Variants in ESR1 observed in about 807,000 individuals in gnomAD.
ESR1 encodes estrogen receptor.
In ESR1, 12 loss-of-function variants were observed where a neutral mutation model predicts 52.7. The observed-to-expected ratio is 0.23, with a 90% CI of 0.15 to 0.37. The LOEUF (loss-of-function observed/expected upper bound fraction) is 0.37. Ranked by LOEUF, ESR1 falls within the 10% of genes least tolerant of loss-of-function variation. The pLI, the probability that ESR1 is intolerant of heterozygous loss-of-function variation, is 1.00. For missense variants in ESR1, 584 were observed against 779.7 expected, an observed-to-expected ratio of 0.75 and a Z score of 2.99; for synonymous variants, 305 against 316.8, an observed-to-expected ratio of 0.96 and a Z score of 0.39.
At chr6:151,972,018 T>G (rs1446466629) in intron 4 of ESR1, among the ~76,000 whole-genome samples, 1 of 152,084 alleles carries the variant, frequency 6.6e-6, no homozygotes, top group Non-Finnish European at 1.5e-5. Flanking sequence ...GAAGCTACTA[T>G]GAACATCTTT....
intron 5 of ESR1, among the ~76,000 whole-genome samples, chr6:152,025,610 T>C (rs1263422018): frequency 6.6e-6 from 1 of 151,956 alleles, no homozygotes; most frequent in Non-Finnish European, 1.5e-5. Context: ...TTTTGTGTAT[T>C]TATGCTTCTT....
At chr6:151,730,844 C>G (rs1782185614) in intron 2 of ESR1, among the ~76,000 whole-genome samples, 1 of 152,078 alleles carries the variant, frequency 6.6e-6, no homozygotes, top group African/African-American at 2.4e-5. Context: ...GCTTTGAGAC[C>G]ACTTTTGCAT....
upstream of ESR1, among the ~76,000 whole-genome samples, chr6:151,802,066 T>C (rs1777304966): frequency 6.6e-6 from 1 of 152,248 alleles, no homozygotes; most frequent in African/African-American, 2.4e-5. Context: ...TATACTTTCA[T>C]TGGGATGATT....
downstream of ESR1, among the ~76,000 whole-genome samples, chr6:152,104,001 T>G (rs901805107): frequency 3.4e-5 from 5 of 145,726 alleles, no homozygotes; most frequent in African/African-American, 5.4e-5. Flanking sequence ...TTTTTTTTTT[T>G]GCATCACCTT....
At chr6:151,943,191 T>G (rs1427798988) in intron 3 of ESR1, among the ~76,000 whole-genome samples, 2 of 151,956 alleles carry the variant, frequency 1.3e-5, no homozygotes, top group African/African-American at 4.8e-5. Context: ...CCATCCTGGC[T>G]AACACGGCGA....
intron 6 of ESR1, among the ~76,000 whole-genome samples, chr6:152,090,891 A>G (rs2050129090): frequency 6.6e-6 from 1 of 152,198 alleles, no homozygotes; most frequent in Non-Finnish European, 1.5e-5. Flanking sequence ...TATTGGCTAC[A>G]AGATCCAGAT....
chr6:151,959,368 T>C (rs1190798082), intron 4 of ESR1, among the ~76,000 whole-genome samples: 1 of 152,252 alleles, frequency 6.6e-6, no homozygotes, highest in Non-Finnish European at 1.5e-5. Context: ...TTTCTATCCA[T>C]GAACAACGTC....
At chr6:151,837,536 C>G (rs1783559756) in intron 1 of ESR1, among the ~76,000 whole-genome samples, 1 of 152,120 alleles carries the variant, frequency 6.6e-6, no homozygotes, top group South Asian at 2.1e-4. Flanking sequence ...TATATGATCT[C>G]TCATGCTTCT....
chr6:151,858,620 A>AAAAT (rs1441537046), intron 2 of ESR1, among the ~76,000 whole-genome samples: 2 of 150,424 alleles, frequency 1.3e-5, no homozygotes, highest in Admixed American at 6.6e-5. Flanking sequence ...TCTGTGAATT[A>AAAAT]AAATAGTACT....
chr6:151,691,872 A>C (rs1364157956), intron 1 of ESR1, among the ~76,000 whole-genome samples: 2 of 152,224 alleles, frequency 1.3e-5, no homozygotes, highest in East Asian at 3.8e-4. Context: ...GATTTTGTTA[A>C]TATCCTGTGA....
At chr6:151,787,740 T>C (rs1048702220) in intron 2 of ESR1, among the ~76,000 whole-genome samples, 3 of 152,154 alleles carry the variant, frequency 2.0e-5, no homozygotes, top group Non-Finnish European at 4.4e-5. Context: ...TGAAGGAGCT[T>C]TTGGGCCAAC....
At chr6:151,966,530 TC>T (rs2038291038) in intron 4 of ESR1, among the ~76,000 whole-genome samples, 2 of 152,194 alleles carry the variant, frequency 1.3e-5, no homozygotes, top group South Asian at 4.1e-4. Flanking sequence ...CCATTATCTA[TC>T]ATGTCTTTCA....
chr6:151,977,134 G>A (rs1438219448), intron 4 of ESR1, among the ~76,000 whole-genome samples: 4 of 152,066 alleles, frequency 2.6e-5, no homozygotes, highest in Non-Finnish European at 4.4e-5. Context: ...ATAAGTGAAG[G>A]CAGAATCCTG....
At chr6:152,114,282 C>A (rs1324996794) in intron 6 of ESR1, among the ~76,000 whole-genome samples, 1 of 152,148 alleles carries the variant, frequency 6.6e-6, no homozygotes, top group Non-Finnish European at 1.5e-5. Flanking sequence ...GACCAGTCTG[C>A]GACTCAAGAA....
At chr6:152,093,599 C>T (rs544012911) in intron 6 of ESR1, among the ~76,000 whole-genome samples, 21 of 152,300 alleles carry the variant, frequency 1.4e-4, no homozygotes, top group African/African-American at 4.6e-4. Flanking sequence ...GATGGTCTCA[C>T]TTTCTGTCCT....
chr6:151,826,876 A>G (rs1186151138), intron 1 of ESR1, among the ~76,000 whole-genome samples: 1 of 152,228 alleles, frequency 6.6e-6, no homozygotes, highest in Non-Finnish European at 1.5e-5. Context: ...CACAGGTGAC[A>G]TTTAAGCAAA....
intron 6 of ESR1, among the ~76,000 whole-genome samples, chr6:152,073,274 C>G (rs1197459005): frequency 6.6e-6 from 1 of 152,204 alleles, no homozygotes; most frequent in Non-Finnish European, 1.5e-5. Context: ...ATTTCCCTCT[C>G]AACAGTCCAG....
chr6:151,807,787 T>C lies in ESR1; in HGVS notation c.-126T>C. ...GGCAGGGCCGGGGCCAGAGCTCGCG[T>C]GTCGGCGGGACATGCGCTGCGTCGC... On this transcript the variant is annotated 5_prime_UTR_variant, in exon 1 of 8. Transcript: ENST00000206249. 2 of 921,996 alleles carry C rather than the reference T, an allele frequency of 2.2e-6. No homozygotes were observed. The highest frequency in any genetic ancestry group is 2.8e-5 in the South Asian group (2 of 70,798). 57.1% of individuals were successfully genotyped at this position (921,996 alleles called of 1,614,324 possible).
At chr6:151,684,119 A>G (rs1049768179) in intron 1 of ESR1, among the ~76,000 whole-genome samples, 1 of 152,078 alleles carries the variant, frequency 6.6e-6, no homozygotes, top group Non-Finnish European at 1.5e-5. Context: ...GCTTGTTGCT[A>G]GAGGAGAAGG....
Sources: gnomAD v4.1 joint callset for allele counts (sites outside exome capture counted in the v4.1 genomes callset) on GRCh38, gnomAD v4.1.1 for gene constraint, MANE v1.5 for transcripts, NCBI Gene and HGNC (gene_info 2026-07-23, HGNC 2026-07-21) for gene names.